Variants in STX7 observed in about 807,000 individuals in gnomAD.
STX7 encodes syntaxin 7, also known as syntaxin-7.
Under a neutral mutation model 39.6 loss-of-function variants are expected in STX7, and 34 were observed. That is an observed-to-expected ratio of 0.86 (90% confidence interval 0.65 to 1.14). The LOEUF (loss-of-function observed/expected upper bound fraction) is 1.14, where lower values mean the gene tolerates loss of function less well. Ranked by LOEUF, STX7 falls within the 50% of genes most tolerant of loss-of-function variation. The pLI, the probability that STX7 is intolerant of heterozygous loss-of-function variation, is 0.00. For missense variants in STX7, 284 were observed against 310.4 expected (o/e 0.92, Z 0.64); for synonymous variants, 119 against 99.1 (o/e 1.20, Z -1.19).
At chr6:132,468,839 A>C (rs1562323209) in intron 7 of STX7, among the ~76,000 whole-genome samples, 1 of 152,224 alleles carries the variant, frequency 6.6e-6, no homozygotes, top group Non-Finnish European at 1.5e-5. Context: ...ACAAGGGTAT[A>C]AAATATTCTT....
chr6:132,503,527 A>T lies in STX7; in HGVS notation c.4T>A (p.Ser2Thr). M[S>T]YTPGVGGDPA... Reference sequence around the variant, plus strand: ...TCACCACCAACTCCTGGAGTGTAAGACATGGTTGATGTTCTTATTCGCTAA... The same window carrying T: ...TCACCACCAACTCCTGGAGTGTAAGTCATGGTTGATGTTCTTATTCGCTAA... The change falls in exon 2 of 10, where the codon TCT becomes ACT. Residue 2 changes from serine to threonine, a missense_variant. Transcript: ENST00000367941. 1 of 1,613,716 alleles carries T rather than the reference A, an allele frequency of 6.2e-7. No homozygotes were observed.
intron 8 of STX7, among the ~76,000 whole-genome samples, chr6:132,467,481 G>A (rs1001452996): frequency 2.6e-5 from 4 of 151,792 alleles, no homozygotes; most frequent in Admixed American, 6.6e-5. Context: ...TGCTTTTCTC[G>A]CCTTTTTAAA....
At chr6:132,503,699 G>T in intron 1 of STX7, 111 bp from the exon 2 acceptor site, 2 of 417,990 alleles carry the variant, frequency 4.8e-6, no homozygotes, top group Non-Finnish European at 8.5e-6. Context: ...TAATAGAGTT[G>T]AAATCTGGCA....
At chr6:132,511,027 T>C (rs1775833575) in intron 1 of STX7, among the ~76,000 whole-genome samples, 1 of 152,182 alleles carries the variant, frequency 6.6e-6, no homozygotes, top group African/African-American at 2.4e-5. Context: ...CATAAACAAC[T>C]GGACTTCTCT....
chr6:132,489,111 A>G (rs951916083), intron 2 of STX7, among the ~76,000 whole-genome samples: 10 of 151,742 alleles, frequency 6.6e-5, no homozygotes, highest in Non-Finnish European at 1.3e-4. Context: ...CTGAAGCACA[A>G]GAATAGCTTG....
At chr6:132,494,910 C>T (rs947358354) in intron 2 of STX7, among the ~76,000 whole-genome samples, 1 of 152,186 alleles carries the variant, frequency 6.6e-6, no homozygotes, top group South Asian at 2.1e-4. Context: ...AATTTGGAGA[C>T]TGCAGTCATC....
At chr6:132,470,130 A>T in intron 6 of STX7, 83 bp from the exon 7 acceptor site, 1 of 955,946 alleles carries the variant, frequency 1.0e-6, no homozygotes, top group Non-Finnish European at 1.5e-6. Flanking sequence ...AGATATATTC[A>T]TTAAATAGGA....
chr6:132,477,330 A>C (rs1242328102), intron 2 of STX7, among the ~76,000 whole-genome samples: 1 of 152,100 alleles, frequency 6.6e-6, no homozygotes, highest in Non-Finnish European at 1.5e-5. Flanking sequence ...CGTATTGATA[A>C]TACAAACTGT....
chr6:132,465,924 C>A (rs1774554097), intron 8 of STX7, among the ~76,000 whole-genome samples: 1 of 152,180 alleles, frequency 6.6e-6, no homozygotes, highest in Non-Finnish European at 1.5e-5. Flanking sequence ...GTATTTCTTT[C>A]CCTGGTAGAT....
intron 2 of STX7, among the ~76,000 whole-genome samples, chr6:132,502,529 A>C (rs1412196016): frequency 2.0e-5 from 3 of 152,340 alleles, no homozygotes; most frequent in Non-Finnish European, 4.4e-5. Flanking sequence ...TTTAATACAT[A>C]TCCTGACGAT....
At chr6:132,474,683 C>T (rs1202099357) in intron 3 of STX7, among the ~76,000 whole-genome samples, 1 of 152,048 alleles carries the variant, frequency 6.6e-6, no homozygotes, top group Non-Finnish European at 1.5e-5. Context: ...AAAATGGAAA[C>T]AGTTCTTTTG....
rs546157622 is a variant in STX7, at chr6:132,499,920, A to T, written c.85+3526T>A. On this transcript the variant is annotated intron_variant, in intron 2 of 9. Transcript: ENST00000367941. ...GAACTGTAGTCCCTCCCGTTTCAGT[A>T]CACACTTGCCACCACCTAGTCGGTT... Among the ~76,000 whole-genome samples the T allele has an allele frequency of 6.4e-4, 98 of 152,282 alleles. 2 individuals carry two copies. The South Asian group carries it at 0.014, about 22-fold the overall frequency.
intron 1 of STX7, among the ~76,000 whole-genome samples, chr6:132,504,540 T>A (rs530368167): frequency 6.6e-6 from 1 of 152,228 alleles, no homozygotes; most frequent in Non-Finnish European, 1.5e-5. Flanking sequence ...TCCATGAATA[T>A]GCACTGGAAT....
In STX7 at chr6:132,448,895, A is replaced by C. The variant is rs1434148367; in HGVS notation, c.*11863T>G. On this transcript the variant is annotated 3_prime_UTR_variant, in exon 10 of 10. Transcript: ENST00000367941. ...TTCGTTATTCCTTTAAAAGTGGATA[A>C]GTTATTCTGGCTGCTTTTAAGATAT... 6.6e-6 allele frequency: 1 copy of C among 151,608 alleles called. No homozygotes were observed. Among genetic ancestry groups the C allele is most frequent in the East Asian group, 1.9e-4 (1 of 5,170 alleles). The allele number at this position is 151,608 out of a possible 1,614,324, so 9.4% of individuals were successfully genotyped here.
intron 2 of STX7, among the ~76,000 whole-genome samples, chr6:132,479,837 CTACAGAGATGATTT>C (rs2114405079): frequency 6.6e-6 from 1 of 152,282 alleles, no homozygotes; most frequent in South Asian, 2.1e-4. Context: ...TCCATACGCT[CTACAGAGATGATTT>C]TACCCATTTT....
At chr6:132,461,746 T>G in intron 9 of STX7, 2 of 1,288,014 alleles carry the variant, frequency 1.6e-6, no homozygotes, top group Non-Finnish European at 1.1e-6. Context: ...AAAATCATAA[T>G]GCTGTCATTG....
chr6:132,489,416 A>T (rs1775223178), intron 2 of STX7, among the ~76,000 whole-genome samples: 1 of 152,148 alleles, frequency 6.6e-6, no homozygotes, highest in Admixed American at 6.5e-5. Context: ...AACCAAGAAA[A>T]GTGTATTAAA....
rs1774690388 is a variant in STX7, at chr6:132,470,611, C to A, written c.403G>T (p.Asp135Tyr). ...SSRVSGSFPE[D>Y]SSKERNLVSW... ...ACAAGATTCCTTTCTTTTGAGCTGT[C>A]CTCAGGAAAACTGCCCTGAATAATT... is the stretch of plus-strand genomic sequence containing the variant. The change falls in exon 6 of 10, where the codon GAC (aspartate) becomes TAC (tyrosine). Residue 135 changes from aspartate (D) to tyrosine (Y), a missense_variant. Transcript: ENST00000367941. 6.2e-7 allele frequency: 1 copy of A among 1,608,578 alleles called. No individual in the cohort carries two copies. The highest frequency in any genetic ancestry group is 1.7e-5 in the Admixed American group (1 of 59,740).
intron 1 of STX7, among the ~76,000 whole-genome samples, chr6:132,511,072 G>C (rs149905147): frequency 7.9e-5 from 12 of 152,284 alleles, no homozygotes; most frequent in African/African-American, 2.9e-4. Context: ...TGAGGGGTGG[G>C]GGGTGAGCAT....
Sources: gnomAD v4.1 joint callset for allele counts (sites outside exome capture counted in the v4.1 genomes callset) on GRCh38, gnomAD v4.1.1 for gene constraint, MANE v1.5 for transcripts, NCBI Gene and HGNC (gene_info 2026-07-23, HGNC 2026-07-21) for gene names.